The following PAK5 variants were observed in gnomAD, a reference collection of about 807,000 sequenced individuals.
The protein encoded by PAK5 is serine/threonine-protein kinase PAK 5.
In PAK5, 16 loss-of-function variants were observed where a neutral mutation model predicts 65.9. That is an observed-to-expected ratio of 0.24 (90% CI 0.16 to 0.37). PAK5 has a LOEUF of 0.37. Among genes scored for constraint, PAK5 ranks in the 10% least tolerant of loss-of-function variants. The pLI, the probability that PAK5 is intolerant of heterozygous loss-of-function variation, is 1.00. For synonymous variants in PAK5, 371 were observed against 354.9 expected, an observed-to-expected ratio of 1.05 and a Z score of -0.51; for missense variants, 785 against 903.9, an observed-to-expected ratio of 0.87 and a Z score of 1.69.
intron 2 of PAK5, among the ~76,000 whole-genome samples, chr20:9,655,955 G>A (rs1204665216): frequency 6.6e-6 from 1 of 151,986 alleles, no homozygotes; most frequent in East Asian, 1.9e-4. Context: ...CCAAACTAAT[G>A]ACCTCATTTT....
chr20:9,544,543 G>C, intron 7 of PAK5, 49 bp from the exon 8 acceptor site: 1 of 1,560,084 alleles, frequency 6.4e-7, no homozygotes, highest in Non-Finnish European at 8.8e-7. Flanking sequence ...AACAATGTCT[G>C]CTAGACACGA....
chr20:9,807,358 G>A (rs2123747361), intron 1 of PAK5, among the ~76,000 whole-genome samples: 1 of 152,160 alleles, frequency 6.6e-6, no homozygotes, highest in East Asian at 1.9e-4. Context: ...CACATTTAAA[G>A]GTTTGGCAAA....
At chr20:9,734,588 C>T (rs961546125) in intron 1 of PAK5, among the ~76,000 whole-genome samples, 9 of 118,138 alleles carry the variant, frequency 7.6e-5, no homozygotes, top group Non-Finnish European at 9.8e-5. Context: ...ACACAGGCCA[C>T]GGGGTGGGAG....
intron 2 of PAK5, among the ~76,000 whole-genome samples, chr20:9,669,539 T>C (rs2047465375): frequency 6.6e-6 from 1 of 152,078 alleles, no homozygotes; most frequent in African/African-American, 2.4e-5. Flanking sequence ...GGAAAGTATA[T>C]CAAAAAATAA....
Position 9,672,629 on chromosome 20 carries a change from C to G in PAK5, c.-11-28290G>C, listed in dbSNP as rs528469868. On this transcript the variant is annotated intron_variant, in intron 2 of 9. Transcript: ENST00000353224. The stretch of plus-strand genomic sequence containing the variant: ...GTGAAGCCTCCTCGGCCATGTGGAA[C>G]TGTGAGTCAATTAAACCTCTTGCCC... 2.6e-5 allele frequency among the ~76,000 whole-genome samples: 4 copies of G among 152,160 alleles called. No individual in the cohort carries two copies. The East Asian group carries it at 5.8e-4, about 22-fold the overall frequency.
rs1043717888 is a variant in PAK5, at chr20:9,698,701, A to G, written c.-12+12585T>C. The stretch of plus-strand genomic sequence containing the variant: ...TCACTTTGTTTCACCCGGAGCTCAG[A>G]GAGGTTAAGAAGTGAACTCAGGACT... On this transcript the variant is annotated intron_variant, in intron 2 of 9. Transcript: ENST00000353224. 5.9e-5 allele frequency among the ~76,000 whole-genome samples: 9 copies of G among 152,152 alleles called. 1 individual carries two copies. Among genetic ancestry groups the G allele is most frequent in the African/African-American group, 2.2e-4 (9 of 41,428 alleles).
In PAK5 at chr20:9,766,638, G is replaced by A. The variant is rs557546620; in HGVS notation, c.-161-55203C>T. 2.7e-5 allele frequency among the ~76,000 whole-genome samples: 4 copies of A among 150,394 alleles called. No individual in the cohort carries two copies. In the South Asian group the frequency reaches 6.3e-4, roughly 24 times the overall value. On this transcript the variant is annotated intron_variant, in intron 1 of 9. Coordinates refer to ENST00000353224, the MANE Select transcript of PAK5 (RefSeq NM_177990.4). ...GCTGTGAATCCCACAAACATAATGA[G>A]TAAAAGAAGCCAACATGAGACAGTA...
Position 9,795,012 on chromosome 20 carries a change from G to A in PAK5, c.-162+43750C>T, listed in dbSNP as rs562004648. ...GCTTACAACTCAGCTTCCACCACCCGGAGAGTTTTGCCCTTCTGGATCCAA... is the reference window on the plus strand; with the variant it reads ...GCTTACAACTCAGCTTCCACCACCCAGAGAGTTTTGCCCTTCTGGATCCAA... On this transcript the variant is annotated intron_variant, in intron 1 of 9. Coordinates refer to ENST00000353224, the MANE Select transcript of PAK5 (RefSeq NM_177990.4). 1.8e-4 allele frequency among the ~76,000 whole-genome samples: 28 copies of A among 151,880 alleles called. 1 individual carries two copies. In the East Asian group the frequency reaches 4.3e-3, roughly 23 times the overall value.
chr20:9,602,857 C>G (rs2046385466), intron 3 of PAK5, among the ~76,000 whole-genome samples: 1 of 152,224 alleles, frequency 6.6e-6, no homozygotes, highest in African/African-American at 2.4e-5. Flanking sequence ...GCAAAACTAT[C>G]CATTTATTCA....
chr20:9,551,837 GTCAAGCTT>G (rs1254348260), intron 7 of PAK5, among the ~76,000 whole-genome samples: 1 of 152,192 alleles, frequency 6.6e-6, no homozygotes, highest in African/African-American at 2.4e-5. Flanking sequence ...TCTGTTTCTT[GTCAAGCTT>G]TCCAGTGGGT....
intron 1 of PAK5, among the ~76,000 whole-genome samples, chr20:9,746,977 A>T (rs545879602): frequency 1.3e-5 from 2 of 152,254 alleles, no homozygotes; most frequent in South Asian, 4.1e-4. Context: ...AATCAAATAG[A>T]CGCAATAAAA....
intron 1 of PAK5, among the ~76,000 whole-genome samples, chr20:9,830,263 A>G (rs1978603555): frequency 6.6e-6 from 1 of 152,140 alleles, no homozygotes; most frequent in African/African-American, 2.4e-5. Context: ...TTTCTCTTCC[A>G]CTTACAAGTC....
chr20:9,837,968 A>G (rs1446850489), intron 1 of PAK5, among the ~76,000 whole-genome samples: 1 of 152,178 alleles, frequency 6.6e-6, no homozygotes, highest in Non-Finnish European at 1.5e-5. Flanking sequence ...TGAAAGCTCC[A>G]TATACACACA....
chr20:9,677,289 C>G (rs1299511650), intron 2 of PAK5, among the ~76,000 whole-genome samples: 1 of 152,146 alleles, frequency 6.6e-6, no homozygotes, highest in Admixed American at 6.5e-5. Flanking sequence ...CACATTCAGA[C>G]CCCGGCTTCT....
At chr20:9,676,157 A>G (rs1017197641) in intron 2 of PAK5, among the ~76,000 whole-genome samples, 6 of 152,112 alleles carry the variant, frequency 3.9e-5, no homozygotes, top group African/African-American at 7.2e-5. Flanking sequence ...CCCCCTTACA[A>G]TAATCATCAA....
At chr20:9,610,579 T>TA (rs2046540146) in intron 3 of PAK5, among the ~76,000 whole-genome samples, 1 of 152,178 alleles carries the variant, frequency 6.6e-6, no homozygotes. Flanking sequence ...AATAGGCAAA[T>TA]ATAAGATGTC....
chr20:9,739,514 A>T (rs1033577049), intron 1 of PAK5, among the ~76,000 whole-genome samples: 6 of 152,150 alleles, frequency 3.9e-5, no homozygotes, highest in African/African-American at 1.2e-4. Flanking sequence ...AGAAACAGGT[A>T]CACTAAATTA....
chr20:9,827,398 A>G (rs1978351973), intron 1 of PAK5, among the ~76,000 whole-genome samples: 2 of 152,186 alleles, frequency 1.3e-5, no homozygotes, highest in African/African-American at 2.4e-5. Context: ...TTGCATTCAA[A>G]TTTTTTAGCC....
At position 9,706,704 on chromosome 20, in the gene PAK5, C is replaced by G. The variant is rs544908069; in HGVS notation, c.-12+4582G>C. On this transcript the variant is annotated intron_variant, in intron 2 of 9. Transcript: ENST00000353224. ...TGTTTGTTTTGTAGAGATGGGGTTT[C>G]GCCATGTTGCCCAGGCTGATCTCGA... Among the ~76,000 whole-genome samples, 6 of 150,318 alleles carry G rather than the reference C, an allele frequency of 4.0e-5. No homozygotes were observed. The East Asian group carries it at 1.2e-3, about 29-fold the overall frequency.
Sources: gnomAD v4.1 joint callset for allele counts (sites outside exome capture counted in the v4.1 genomes callset) on GRCh38, gnomAD v4.1.1 for gene constraint, MANE v1.5 for transcripts, NCBI Gene and HGNC (gene_info 2026-07-23, HGNC 2026-07-21) for gene names.